The following DTWD2 variants were observed in gnomAD, a reference collection of about 807,000 sequenced individuals.
DTWD2 encodes tRNA-uridine aminocarboxypropyltransferase 2.
In DTWD2, 39 loss-of-function variants were observed where a neutral mutation model predicts 31.8. That is an observed-to-expected ratio of 1.22 (90% CI 0.95 to 1.60). The LOEUF is 1.60. Among genes scored for constraint, DTWD2 ranks in the 40% most tolerant of loss-of-function variants. DTWD2 has a pLI of 0.00. For synonymous variants in DTWD2, 180 were observed against 142.8 expected, an observed-to-expected ratio of 1.26 and a Z score of -1.86; for missense variants, 515 against 381.5, an observed-to-expected ratio of 1.35 and a Z score of -2.92.
chr5:118,916,584 G>A (rs1371420205), intron 4 of DTWD2, among the ~76,000 whole-genome samples: 1 of 150,694 alleles, frequency 6.6e-6, no homozygotes, highest in Non-Finnish European at 1.5e-5. Flanking sequence ...AGAATCACTT[G>A]AACCCGGGAT....
At position 118,836,735 on chromosome 5, in the gene DTWD2, C is replaced by A. The variant is rs1751578471; in HGVS notation, c.*4182G>T. Among the ~76,000 whole-genome samples the A allele has an allele frequency of 2.0e-5, 3 of 152,148 alleles. No homozygotes were observed. Among genetic ancestry groups the A allele is most frequent in the Non-Finnish European group, 4.4e-5 (3 of 68,022 alleles). On this transcript the variant is annotated 3_prime_UTR_variant, in exon 6 of 6. Transcript: ENST00000510708. ...GGTCATAAGGGTCTCAGAGAGCTAGCTCGACCCTTCCACTAGGTGAAGACA... is the reference window on the plus strand; with the variant it reads ...GGTCATAAGGGTCTCAGAGAGCTAGATCGACCCTTCCACTAGGTGAAGACA...
chr5:118,895,910 C>A (rs1048407950), intron 4 of DTWD2, among the ~76,000 whole-genome samples: 10 of 152,118 alleles, frequency 6.6e-5, no homozygotes, highest in African/African-American at 2.4e-4. Flanking sequence ...CTCATTCAAA[C>A]CACCTTACAA....
chr5:118,848,211 A>C lies in DTWD2; in HGVS notation c.605T>G (p.Leu202Ter), dbSNP rs1322115432. The change falls in exon 5 of 6, where the codon TTA becomes TGA. Residue 202 changes from leucine (L) to a stop codon, truncating the protein, a stop_gained. Coordinates refer to ENST00000510708, the MANE Select transcript of DTWD2 (RefSeq NM_173666.4). LOFTEE classifies it high-confidence loss of function. Reference sequence around the variant, plus strand: ...ATACTGACTAGAAATGCTAGTTTTTAATTGCACCTGAAATCAAAAACAAAA... The same window carrying C: ...ATACTGACTAGAAATGCTAGTTTTTCATTGCACCTGAAATCAAAAACAAAA... Reference protein sequence around the residue: ...SLFRHPKQVQLKTSISSQYVI... With the variant: ...SLFRHPKQVQ The C allele has an allele frequency of 3.8e-6, 6 of 1,586,794 alleles. No individual in the cohort carries two copies. The highest frequency in any genetic ancestry group is 8.5e-7 in the Non-Finnish European group (1 of 1,171,456).
Position 118,965,402 on chromosome 5 carries a change from GCCGCCAC to G in DTWD2, c.219-20760_219-20754del, listed in dbSNP as rs530687603. On this transcript the variant is annotated intron_variant, in intron 1 of 5. Transcript: ENST00000510708. Reference sequence around the variant, plus strand: ...GGGAAGTGAGGAGCCCCTCTGCCCGGCCGCCACCCCGTCTGGGAGGTGTATCCAACAG... The same window carrying G: ...GGGAAGTGAGGAGCCCCTCTGCCCGGCCCGTCTGGGAGGTGTATCCAACAG... Among the ~76,000 whole-genome samples, 1,508 of 152,184 alleles carry G rather than the reference GCCGCCAC, an allele frequency of 9.9e-3. 11 individuals carry two copies. The highest frequency in any genetic ancestry group is 0.031 in the Middle Eastern group (9 of 294).
At chr5:118,884,718 AG>A (rs2149556361) in intron 4 of DTWD2, among the ~76,000 whole-genome samples, 1 of 152,250 alleles carries the variant, frequency 6.6e-6, no homozygotes, top group South Asian at 2.1e-4. Flanking sequence ...AAAACCTTCC[AG>A]GTTGGGGCTG....
At chr5:118,844,977 T>A (rs534058150) in intron 5 of DTWD2, among the ~76,000 whole-genome samples, 1 of 152,078 alleles carries the variant, frequency 6.6e-6, no homozygotes, top group East Asian at 1.9e-4. Flanking sequence ...GCCTCTCCCA[T>A]CTCTACAAAA....
chr5:118,920,930 T>A (rs1216288703), intron 4 of DTWD2, among the ~76,000 whole-genome samples: 1 of 152,122 alleles, frequency 6.6e-6, no homozygotes, highest in African/African-American at 2.4e-5. Flanking sequence ...GAGTTCACAG[T>A]TAAGAATTCA....
At chr5:118,870,089 C>T (rs754568170) in intron 4 of DTWD2, among the ~76,000 whole-genome samples, 11 of 152,164 alleles carry the variant, frequency 7.2e-5, no homozygotes, top group Non-Finnish European at 1.3e-4. Context: ...TTGCCCTCCC[C>T]AGAAGCAGAA....
intron 1 of DTWD2, among the ~76,000 whole-genome samples, chr5:118,976,235 G>C (rs1010313513): frequency 3.3e-5 from 5 of 152,216 alleles, no homozygotes; most frequent in Admixed American, 3.3e-4. Flanking sequence ...ACAGGAGAAA[G>C]TGGGAAAGAT....
intron 4 of DTWD2, among the ~76,000 whole-genome samples, chr5:118,851,385 A>G (rs1049235937): frequency 1.3e-5 from 2 of 150,080 alleles, no homozygotes; most frequent in Admixed American, 1.3e-4. Context: ...GCAACATCAC[A>G]TATCGGTAGG....
chr5:118,956,051 G>A (rs926962786), intron 1 of DTWD2, among the ~76,000 whole-genome samples: 1 of 152,114 alleles, frequency 6.6e-6, no homozygotes, highest in African/African-American at 2.4e-5. Context: ...GTCTTGCTAT[G>A]TGACCTTGGG....
At chr5:118,955,212 A>T (rs1432328034) in intron 1 of DTWD2, among the ~76,000 whole-genome samples, 1 of 152,222 alleles carries the variant, frequency 6.6e-6, no homozygotes, top group Non-Finnish European at 1.5e-5. Flanking sequence ...TCTCTTTATT[A>T]ACCTAATTTT....
intron 5 of DTWD2, among the ~76,000 whole-genome samples, chr5:118,844,435 T>C (rs1341839952): frequency 6.6e-6 from 1 of 152,220 alleles, no homozygotes; most frequent in African/African-American, 2.4e-5. Flanking sequence ...CACTATCTTT[T>C]AGTTCAGACT....
At chr5:118,858,192 T>G (rs779681404) in intron 4 of DTWD2, among the ~76,000 whole-genome samples, 36 of 152,322 alleles carry the variant, frequency 2.4e-4, no homozygotes, top group Middle Eastern at 6.8e-3. Flanking sequence ...AAAGATTTCT[T>G]GCCTTAGAAT....
chr5:118,983,538 T>C (rs577814584), intron 1 of DTWD2, among the ~76,000 whole-genome samples: 1 of 152,194 alleles, frequency 6.6e-6, no homozygotes, highest in Admixed American at 6.5e-5. Flanking sequence ...TCTTATGATG[T>C]TCCTCCCATC....
chr5:118,958,637 A>C (rs1049374971), intron 1 of DTWD2, among the ~76,000 whole-genome samples: 1 of 152,056 alleles, frequency 6.6e-6, no homozygotes, highest in Non-Finnish European at 1.5e-5. Context: ...TAAACTAGAA[A>C]ACCTAGAAGA....
chr5:118,945,159 C>T (rs1296431538), intron 1 of DTWD2, among the ~76,000 whole-genome samples: 1 of 152,202 alleles, frequency 6.6e-6, no homozygotes, highest in Non-Finnish European at 1.5e-5. Context: ...ATAGACGCCA[C>T]CAAATTATAT....
chr5:118,840,889 T>C lies in DTWD2; in HGVS notation c.*28A>G, dbSNP rs760042001. On this transcript the variant is annotated 3_prime_UTR_variant, in exon 6 of 6. Coordinates refer to ENST00000510708, the MANE Select transcript of DTWD2 (RefSeq NM_173666.4). ...ATTTGGTATTGTTAGATGAAGACAGTTAAGCTAGCACCAAAAGAATAACTG... is the reference window on the plus strand; with the variant it reads ...ATTTGGTATTGTTAGATGAAGACAGCTAAGCTAGCACCAAAAGAATAACTG... 6.2e-7 allele frequency: 1 copy of C among 1,604,956 alleles called. No individual in the cohort carries two copies. The highest frequency in any genetic ancestry group is 8.5e-7 in the Non-Finnish European group (1 of 1,175,322).
Position 118,836,261 on chromosome 5 carries a change from G to C in DTWD2, c.*4656C>G, listed in dbSNP as rs1230844431. 6.6e-6 allele frequency among the ~76,000 whole-genome samples: 1 copy of C among 151,860 alleles called. No individual in the cohort carries two copies. The highest frequency in any genetic ancestry group is 1.5e-5 in the Non-Finnish European group (1 of 67,992). On this transcript the variant is annotated 3_prime_UTR_variant, in exon 6 of 6. Transcript: ENST00000510708. ...TTTATTTATTTATTTATTTATTTGA[G>C]ACACTGTCTCACTCTGTCGCCCAGG...
Sources: allele counts gnomAD v4.1 joint callset (sites outside exome capture counted in the v4.1 genomes callset), GRCh38; gene constraint gnomAD v4.1.1; transcripts MANE v1.5; gene names NCBI Gene and HGNC (gene_info 2026-07-23, HGNC 2026-07-21).